The following KCNIP4 variants were observed in gnomAD, a reference collection of about 807,000 sequenced individuals.
The protein encoded by KCNIP4 is potassium voltage-gated channel interacting protein 4.
Under a neutral mutation model 34.0 loss-of-function variants are expected in KCNIP4, and 12 were observed. The observed-to-expected ratio is 0.35, with a 90% confidence interval of 0.23 to 0.57. KCNIP4 has a LOEUF of 0.57. Ranked by LOEUF, KCNIP4 falls within the 20% of genes least tolerant of loss-of-function variation. The pLI is 0.83. For missense variants in KCNIP4, 238 were observed against 311.7 expected, an observed-to-expected ratio of 0.76 and a Z score of 1.78; for synonymous variants, 124 against 102.2, an observed-to-expected ratio of 1.21 and a Z score of -1.29.
At chr4:20,826,441 C>T (rs1332478328) in intron 3 of KCNIP4, among the ~76,000 whole-genome samples, 1 of 151,446 alleles carries the variant, frequency 6.6e-6, no homozygotes, top group Non-Finnish European at 1.5e-5. Context: ...AAAATTTAGC[C>T]AGACATGGTG....
chr4:21,869,261 T>C (rs996918285), intron 1 of KCNIP4, among the ~76,000 whole-genome samples: 6 of 152,272 alleles, frequency 3.9e-5, no homozygotes, highest in African/African-American at 1.4e-4. Context: ...TGTGGTCCTC[T>C]TATAGCTCCT....
At chr4:21,405,211 G>T (rs1723871643) in intron 1 of KCNIP4, among the ~76,000 whole-genome samples, 1 of 152,068 alleles carries the variant, frequency 6.6e-6, no homozygotes, top group Non-Finnish European at 1.5e-5. Flanking sequence ...ACCTAACCCT[G>T]GCTCCTTAAA....
chr4:21,416,049 A>G (rs773461278), intron 1 of KCNIP4, among the ~76,000 whole-genome samples: 74 of 152,244 alleles, frequency 4.9e-4, no homozygotes, highest in Admixed American at 6.5e-4. Context: ...AGAAGGCTGG[A>G]AGGCACAGCC....
intron 1 of KCNIP4, among the ~76,000 whole-genome samples, chr4:21,937,587 G>C (rs375614050): frequency 1.3e-5 from 2 of 151,664 alleles, no homozygotes; most frequent in African/African-American, 4.8e-5. Flanking sequence ...ATACCTATTG[G>C]GCATCTTCTC....
At chr4:21,745,396 A>G (rs1441301038) in intron 1 of KCNIP4, among the ~76,000 whole-genome samples, 1 of 152,196 alleles carries the variant, frequency 6.6e-6, no homozygotes, top group African/African-American at 2.4e-5. Flanking sequence ...ATGAAATAGA[A>G]GATTTGTTTT....
At chr4:21,858,698 C>T (rs1724896186) in intron 1 of KCNIP4, among the ~76,000 whole-genome samples, 1 of 152,186 alleles carries the variant, frequency 6.6e-6, no homozygotes, top group African/African-American at 2.4e-5. Context: ...TGCCATCACT[C>T]CTAATTGTGT....
intron 1 of KCNIP4, among the ~76,000 whole-genome samples, chr4:21,720,887 A>C (rs1189749220): frequency 6.6e-6 from 1 of 151,972 alleles, no homozygotes; most frequent in African/African-American, 2.4e-5. Context: ...CATGGTGTAT[A>C]TGTGTCACAT....
At chr4:21,284,825 C>T (rs746923475) in intron 1 of KCNIP4, among the ~76,000 whole-genome samples, 12 of 151,806 alleles carry the variant, frequency 7.9e-5, no homozygotes, top group Non-Finnish European at 1.5e-4. Context: ...ATGTAACCGA[C>T]GTGAGCACTT....
At chr4:21,245,978 G>A (rs548849985) in intron 1 of KCNIP4, among the ~76,000 whole-genome samples, 4 of 152,202 alleles carry the variant, frequency 2.6e-5, no homozygotes, top group South Asian at 2.1e-4. Flanking sequence ...GAAATATTCC[G>A]ACATATGACA....
chr4:21,043,497 T>G (rs1577586941), intron 1 of KCNIP4, among the ~76,000 whole-genome samples: 1 of 97,888 alleles, frequency 1.0e-5, no homozygotes, highest in African/African-American at 3.0e-5. Flanking sequence ...GCCCAGCTAA[T>G]TTTTTTTTTT....
rs543695027 is a variant in KCNIP4 at position 21,643,515 on chromosome 4, G to A, written c.61+305056C>T. The stretch of plus-strand genomic sequence containing the variant: ...GATGGTTAATTTTATATGTTAACAC[G>A]GTTAAATGATGGTATCCAAATATTT... On this transcript the variant is annotated intron_variant, in intron 1 of 8. Transcript: ENST00000382152. 1.5e-3 allele frequency among the ~76,000 whole-genome samples: 222 copies of A among 152,146 alleles called. 5 individuals carry two copies. Among genetic ancestry groups the A allele is most frequent in the Admixed American group, 2.7e-3 (41 of 15,258 alleles).
intron 1 of KCNIP4, among the ~76,000 whole-genome samples, chr4:21,686,179 T>C (rs1357773763): frequency 6.6e-6 from 1 of 152,202 alleles, no homozygotes; most frequent in African/African-American, 2.4e-5. Context: ...AATCTGGTGG[T>C]CTTGAAAAAT....
intron 1 of KCNIP4, among the ~76,000 whole-genome samples, chr4:21,824,793 C>T (rs1722575628): frequency 6.6e-6 from 1 of 152,106 alleles, no homozygotes; most frequent in Non-Finnish European, 1.5e-5. Context: ...ACCTGTTGGG[C>T]TGTTACACCA....
At chr4:21,798,961 TTTAA>T (rs1463208682) in intron 1 of KCNIP4, among the ~76,000 whole-genome samples, 6 of 152,138 alleles carry the variant, frequency 3.9e-5, no homozygotes, top group African/African-American at 1.4e-4. Context: ...ATCAAAATGT[TTTAA>T]TTAATTGACT....
chr4:21,090,851 CTAA>C (rs1403469811), intron 1 of KCNIP4, among the ~76,000 whole-genome samples: 1 of 152,054 alleles, frequency 6.6e-6, no homozygotes, highest in Non-Finnish European at 1.5e-5. Flanking sequence ...AGGTAAATGA[CTAA>C]TGAGAAAATA....
intron 1 of KCNIP4, among the ~76,000 whole-genome samples, chr4:21,739,786 C>T (rs941590310): frequency 1.3e-5 from 2 of 151,944 alleles, no homozygotes; most frequent in Admixed American, 6.6e-5. Flanking sequence ...TTTATGTCAC[C>T]GCCAATTTTC....
intron 1 of KCNIP4, among the ~76,000 whole-genome samples, chr4:21,371,384 G>C (rs1441849926): frequency 6.8e-6 from 1 of 146,378 alleles, no homozygotes; most frequent in Admixed American, 6.6e-5. Flanking sequence ...AGTTGAAGAT[G>C]TGTGCTGGCA....
chr4:21,121,300 T>C (rs1258853271), intron 1 of KCNIP4, among the ~76,000 whole-genome samples: 1 of 152,224 alleles, frequency 6.6e-6, no homozygotes, highest in Non-Finnish European at 1.5e-5. Context: ...CTTTTACACT[T>C]AGAAATTGCA....
chr4:20,925,618 T>C (rs763469513), intron 1 of KCNIP4, among the ~76,000 whole-genome samples: 19 of 152,220 alleles, frequency 1.2e-4, no homozygotes, highest in Non-Finnish European at 2.1e-4. Context: ...ACTTTCCTAG[T>C]GAACTTGCTT....
Sources: allele counts gnomAD v4.1 joint callset (sites outside exome capture counted in the v4.1 genomes callset), GRCh38; gene constraint gnomAD v4.1.1; transcripts MANE v1.5; gene names NCBI Gene and HGNC (gene_info 2026-07-23, HGNC 2026-07-21).